EXOSC10: variants seen among roughly 807,000 people sequenced by gnomAD.
The protein encoded by EXOSC10 is exosome component 10, also known as exosome complex component 10.
EXOSC10 carries 94 observed loss-of-function variants against 126.6 expected under a neutral mutation model. That is an observed-to-expected ratio of 0.74 (90% CI 0.63 to 0.88). The LOEUF is 0.88. EXOSC10 is among the 40% of genes least tolerant of loss of function. EXOSC10 has a pLI of 0.00. For synonymous variants in EXOSC10, 395 were observed against 400.8 expected, an observed-to-expected ratio of 0.99 and a Z score of 0.17; for missense variants, 1,041 against 1,100.5, an observed-to-expected ratio of 0.95 and a Z score of 0.77.
At chr1:11,067,838 G>A (rs1452595880) in intron 24 of EXOSC10, among the ~76,000 whole-genome samples, 170 bp downstream of exon 24, 2 of 151,978 alleles carry the variant, frequency 1.3e-5, no homozygotes, top group East Asian at 1.9e-4. Flanking sequence ...ATCACCTCCC[G>A]CCCTTGTTTT....
intron 3 of EXOSC10, among the ~76,000 whole-genome samples, chr1:11,093,032 T>C (rs1640887687): frequency 6.6e-6 from 1 of 152,218 alleles, no homozygotes; most frequent in African/African-American, 2.4e-5. Flanking sequence ...TATAGGTTTA[T>C]TGAGACATAA....
At chr1:11,068,153 T>C in intron 23 of EXOSC10, 69 bp from the exon 24 acceptor site, 1 of 1,243,572 alleles carries the variant, frequency 8.0e-7, no homozygotes, top group Non-Finnish European at 1.2e-6. Flanking sequence ...AAAACACACC[T>C]GAGCTCAGGT....
chr1:11,069,017 G>A, intron 22 of EXOSC10: 1 of 396,160 alleles, frequency 2.5e-6, no homozygotes, highest in Non-Finnish European at 4.6e-6. Context: ...GATGCCATAA[G>A]GAACTCGGGC....
chr1:11,066,803 A>C, intron 24 of EXOSC10, 55 bp from the exon 25 acceptor site: 12 of 1,593,476 alleles, frequency 7.5e-6, no homozygotes, highest in Non-Finnish European at 1.0e-5. Context: ...GGATGTTCTC[A>C]GATGGTTTAC....
chr1:11,068,321 T>C, intron 23 of EXOSC10: 2 of 586,012 alleles, frequency 3.4e-6, no homozygotes, highest in South Asian at 2.1e-5. Context: ...AGCCACGCTG[T>C]TTCCCTGGCA....
chr1:11,075,359 A>T (rs1353379503), intron 17 of EXOSC10, among the ~76,000 whole-genome samples: 3 of 152,174 alleles, frequency 2.0e-5, no homozygotes, highest in Non-Finnish European at 4.4e-5. Context: ...AATCATTGAA[A>T]TTATGCAACA....
At chr1:11,074,124 C>T (rs1405839494) in intron 18 of EXOSC10, 107 bp downstream of exon 18, 2 of 1,384,152 alleles carry the variant, frequency 1.4e-6, no homozygotes, top group Admixed American at 1.7e-5. Context: ...GCCAGGACAC[C>T]AGGGCAGCCG....
intron 14 of EXOSC10, among the ~76,000 whole-genome samples, chr1:11,078,264 C>CTTTTTTTTTTTTTTTTTTTTTTTT (rs1220119181): frequency 3.5e-5 from 5 of 143,666 alleles, no homozygotes; most frequent in South Asian, 2.3e-4. Flanking sequence ...GACCCTGTTT[C>CTTTTTTTTTTTTTTTTTTTTTTTT]TTTTTTTTTT....
intron 22 of EXOSC10, among the ~76,000 whole-genome samples, chr1:11,069,260 G>GAGAGAGAGAGAGAGAAAGA (rs1557690891): frequency 8.4e-6 from 1 of 118,782 alleles, no homozygotes; most frequent in Admixed American, 9.6e-5. Flanking sequence ...AGAGAGAGAG[G>GAGAGAGAGAGAGAGAAAGA]GTTTATGGGC....
rs753307275 is a variant in EXOSC10 at position 11,070,902 on chromosome 1, C to T, written c.2314G>A (p.Val772Met). The change falls in exon 21 of 25, where the codon GTG becomes ATG. Residue 772 changes from valine (V) to methionine (M), a missense_variant and splice_region_variant. By Grantham distance (21) the Val-to-Met change is conservative. Around this residue, in one of 3 missense-constraint regions of EXOSC10, gnomAD observed 388 missense variants for 415.2 expected, o/e 0.93. Coordinates refer to ENST00000376936, the MANE Select transcript of EXOSC10 (RefSeq NM_001001998.3). ...EQAISVRQQV[V>M]LENAAKKRER... The stretch of plus-strand genomic sequence containing the variant: ...AAAGGAGAAAAGCTGGCACATACCA[C>T]GACCTGCTGTCGGACGGAGATGGCC... 12 of 1,613,802 alleles carry T rather than the reference C, an allele frequency of 7.4e-6. No homozygotes were observed. The highest frequency in any genetic ancestry group is 9.3e-6 in the Non-Finnish European group (11 of 1,179,828).
intron 14 of EXOSC10, among the ~76,000 whole-genome samples, chr1:11,078,105 C>A (rs946010102): frequency 6.6e-6 from 1 of 152,014 alleles, no homozygotes; most frequent in African/African-American, 2.4e-5. Context: ...AGACCCATCT[C>A]TACAAAAAAT....
chr1:11,073,407 C>T (rs1473350543), intron 19 of EXOSC10, among the ~76,000 whole-genome samples: 1 of 152,032 alleles, frequency 6.6e-6, no homozygotes, highest in Non-Finnish European at 1.5e-5. Context: ...GCTGGGATTA[C>T]AGGCGTGAGC....
chr1:11,071,376 T>C (rs6540963), intron 20 of EXOSC10: 126,452 of 200,404 alleles, frequency 0.63, 43,863 homozygotes, highest in East Asian at 0.8. Context: ...CCCTTCCCTT[T>C]TCTCACATGC....
intron 4 of EXOSC10, 120 bp from the exon 5 acceptor site, chr1:11,091,299 A>T: frequency 9.3e-7 from 1 of 1,076,010 alleles, no homozygotes; most frequent in South Asian, 1.5e-5. Flanking sequence ...TTCATTTAAG[A>T]ATGTATGTGC....
intron 9 of EXOSC10, among the ~76,000 whole-genome samples, chr1:11,083,609 T>A (rs1640309076): frequency 6.7e-6 from 1 of 150,290 alleles, no homozygotes; most frequent in African/African-American, 2.5e-5. Flanking sequence ...GGGTTTTTTT[T>A]AAGTTAAAAA....
chr1:11,080,563 A>AAAC lies in EXOSC10; in HGVS notation c.1587-15_1587-14insGTT, dbSNP rs763871842. ...GGCAGTACATATCTGGAAAAAAAAA[A>AAAC]ACACACACACACACACACACACACA... On this transcript the variant is annotated splice_polypyrimidine_tract_variant and intron_variant, in intron 12 of 24. Coordinates refer to ENST00000376936, the MANE Select transcript of EXOSC10 (RefSeq NM_001001998.3). 8.4e-6 allele frequency: 12 copies of AAAC among 1,423,482 alleles called. No homozygotes were observed. The highest frequency in any genetic ancestry group is 3.7e-5 in the South Asian group (3 of 80,194). The allele number at this position is 1,423,482 out of a possible 1,614,324, so 88.2% of individuals were successfully genotyped here. A position where few individuals can be genotyped will look rare whatever the true frequency, so the allele number is the denominator to read the frequency against.
chr1:11,074,437 G>C (rs12121163), intron 17 of EXOSC10, 111 bp from the exon 18 acceptor site: 36,145 of 726,326 alleles, frequency 0.05, 1,761 homozygotes, highest in African/African-American at 0.14. Flanking sequence ...TCTGGAGACA[G>C]AGTCTCGCTC....
intron 20 of EXOSC10, 173 bp from the exon 21 acceptor site, chr1:11,071,146 C>G: frequency 1.7e-6 from 1 of 598,088 alleles, no homozygotes; most frequent in Non-Finnish European, 3.0e-6. Flanking sequence ...AGAGCTCAGG[C>G]TCAGGTGCTC....
chr1:11,074,703 G>T (rs548841195), intron 17 of EXOSC10, among the ~76,000 whole-genome samples: 1 of 151,594 alleles, frequency 6.6e-6, no homozygotes. Flanking sequence ...GTGAGCCACC[G>T]CACGCACCCG....
Sources: gnomAD v4.1 joint callset for allele counts (sites outside exome capture counted in the v4.1 genomes callset) on GRCh38, gnomAD v4.1.1 for gene constraint, gnomAD v4.1.1 regional missense constraint, MANE v1.5 for transcripts, NCBI Gene and HGNC (gene_info 2026-07-23, HGNC 2026-07-21) for gene names.